Variants in CCDC15 observed in about 807,000 individuals in gnomAD.
CCDC15 encodes coiled-coil domain-containing protein 15.
In CCDC15, 105 loss-of-function variants were observed where a neutral mutation model predicts 114.5. The ratio of observed to expected loss-of-function variants is 0.92; its 90% CI spans 0.78 to 1.08. The LOEUF (loss-of-function observed/expected upper bound fraction) is 1.08. Among genes scored for constraint, CCDC15 ranks in the 50% least tolerant of loss-of-function variants. The pLI, the probability that CCDC15 is intolerant of heterozygous loss-of-function variation, is 0.00. For synonymous variants in CCDC15, 334 were observed against 377.8 expected (o/e 0.88, Z 1.34); for missense variants, 1,105 against 1,093.6 (o/e 1.01, Z -0.15).
At chr11:124,980,366 T>C (rs1014401800) in intron 6 of CCDC15, among the ~76,000 whole-genome samples, 6 of 152,200 alleles carry the variant, frequency 3.9e-5, no homozygotes, top group African/African-American at 9.6e-5. Flanking sequence ...CTTTATAACA[T>C]CTGGTAGAAT....
chr11:124,984,438 C>T (rs1478808920), intron 6 of CCDC15, among the ~76,000 whole-genome samples: 1 of 152,128 alleles, frequency 6.6e-6, no homozygotes, highest in African/African-American at 2.4e-5. Flanking sequence ...AAAACTGGCC[C>T]TGTCTCACGG....
At chr11:125,000,055 G>T (rs1269425362) in intron 11 of CCDC15, among the ~76,000 whole-genome samples, 3 of 151,396 alleles carry the variant, frequency 2.0e-5, no homozygotes, top group Non-Finnish European at 4.4e-5. Context: ...TGGAAACGGG[G>T]TTTCACCATG....
In CCDC15 at chr11:124,987,666, A is replaced by T. The variant is rs941029771; in HGVS notation, c.1440A>T (p.Leu480Phe). Residue 480 changes from leucine to phenylalanine, a missense_variant, in exon 8 of 16, where the codon TTA becomes TTT. Leu to Phe is a conservative substitution (Grantham distance 22, BLOSUM62 0). Coordinates refer to ENST00000344762, the MANE Select transcript of CCDC15 (RefSeq NM_025004.3). Reference protein sequence around the residue: ...QNFLPKDQNFLSRDQHVLPKD... With the variant: ...QNFLPKDQNFFSRDQHVLPKD... ...TTCTACCTAAGGACCAGAATTTTTT[A>T]TCTAGAGACCAGCATGTTCTCCCCA... 6.2e-7 allele frequency: 1 copy of T among 1,612,448 alleles called. No homozygotes were observed. The highest frequency in any genetic ancestry group is 8.5e-7 in the Non-Finnish European group (1 of 1,179,364).
rs1413468019 is a variant in CCDC15 at position 124,987,987 on chromosome 11, C to G, written c.1761C>G (p.Pro587=). The G allele has an allele frequency of 6.2e-7, 1 of 1,613,684 alleles. No individual in the cohort carries two copies. The change falls in exon 8 of 16, where the codon CCC becomes CCG. Residue 587 remains proline, a synonymous_variant. Coordinates refer to ENST00000344762, the MANE Select transcript of CCDC15 (RefSeq NM_025004.3). ...TATGTCAGGACCAGGATTTTCTACC[C>G]AGAGACCAAGGTTATCTTCCTAAAG... ...LPICQDQDFL[P]RDQGYLPKDQ...
At chr11:125,002,346 G>T (rs902949329) in intron 11 of CCDC15, among the ~76,000 whole-genome samples, 1 of 151,970 alleles carries the variant, frequency 6.6e-6, no homozygotes, top group African/African-American at 2.4e-5. Context: ...CTGTTCTGTG[G>T]GTTGCCTTTC....
rs140319101 is a variant in CCDC15 at position 124,984,246 on chromosome 11, G to A, written c.754-2496G>A. ...AAAGTGGCATGAGGGAGGACGCAGT[G>A]GGGGAAGGGCATAGGCAGGCTCATG... On this transcript the variant is annotated intron_variant, in intron 6 of 15. Transcript: ENST00000344762. 1.4e-4 allele frequency among the ~76,000 whole-genome samples: 22 copies of A among 152,252 alleles called. No individual in the cohort carries two copies. In the East Asian group the frequency reaches 3.9e-3, roughly 27 times the overall value.
At chr11:125,000,588 T>A (rs187648098) in intron 11 of CCDC15, among the ~76,000 whole-genome samples, 45 of 152,308 alleles carry the variant, frequency 3.0e-4, no homozygotes, top group Non-Finnish European at 5.4e-4. Context: ...TTTTCTTTAT[T>A]GAAAACAGAA....
intron 11 of CCDC15, among the ~76,000 whole-genome samples, chr11:125,002,954 G>A (rs1451735677): frequency 2.0e-5 from 3 of 151,952 alleles, no homozygotes; most frequent in Admixed American, 6.6e-5. Context: ...TTTTGATGGA[G>A]GATTATTAAA....
At chr11:125,026,244 C>T (rs941569224) in intron 13 of CCDC15, among the ~76,000 whole-genome samples, 2 of 152,196 alleles carry the variant, frequency 1.3e-5, no homozygotes, top group African/African-American at 4.8e-5. Context: ...GAAGTTCCAA[C>T]CACCTGGATG....
chr11:124,964,203 A>T (rs1422484071), intron 4 of CCDC15, among the ~76,000 whole-genome samples: 1 of 152,096 alleles, frequency 6.6e-6, no homozygotes, highest in Non-Finnish European at 1.5e-5. Context: ...CTTGATGGGG[A>T]TAGCACTGAA....
At chr11:124,963,525 G>A (rs1947711961) in intron 4 of CCDC15, among the ~76,000 whole-genome samples, 1 of 152,144 alleles carries the variant, frequency 6.6e-6, no homozygotes, top group Non-Finnish European at 1.5e-5. Flanking sequence ...TAAGTTCTTT[G>A]TAGATTCTGG....
intron 4 of CCDC15, among the ~76,000 whole-genome samples, chr11:124,973,382 C>G (rs958934759): frequency 1.3e-5 from 2 of 151,266 alleles, no homozygotes; most frequent in South Asian, 4.2e-4. Context: ...TTCAACTACA[C>G]ATATCTCTTT....
intron 13 of CCDC15, among the ~76,000 whole-genome samples, chr11:125,009,536 AG>A (rs1473208814): frequency 5.3e-5 from 8 of 152,174 alleles, no homozygotes; most frequent in Non-Finnish European, 1.2e-4. Flanking sequence ...CAGGGGGTAC[AG>A]GTGCAAGTTT....
intron 13 of CCDC15, among the ~76,000 whole-genome samples, chr11:125,033,637 C>G (rs1948756353): frequency 6.6e-6 from 1 of 152,156 alleles, no homozygotes; most frequent in Non-Finnish European, 1.5e-5. Flanking sequence ...CCATTCCAAT[C>G]TCTCTATACC....
At chr11:124,996,246 C>A (rs550127215) in intron 11 of CCDC15, among the ~76,000 whole-genome samples, 25 of 152,244 alleles carry the variant, frequency 1.6e-4, no homozygotes, top group Admixed American at 6.5e-4. Context: ...AGTGCCCTAC[C>A]CTGACTATTC....
chr11:125,003,317 G>A (rs1282854509), intron 11 of CCDC15, among the ~76,000 whole-genome samples: 1 of 151,918 alleles, frequency 6.6e-6, no homozygotes, highest in Non-Finnish European at 1.5e-5. Flanking sequence ...ATTTCTAAAA[G>A]TTGGAGATCA....
At position 124,967,952 on chromosome 11, in the gene CCDC15, A is replaced by T. The variant is rs1188714306; in HGVS notation, c.517-7144A>T. 2.0e-5 allele frequency among the ~76,000 whole-genome samples: 3 copies of T among 152,256 alleles called. No individual in the cohort carries two copies. In the South Asian group the frequency reaches 6.3e-4, roughly 32 times the overall value. On this transcript the variant is annotated intron_variant, in intron 4 of 15. Transcript: ENST00000344762. ...CACTCCAGATCCTGTTTGCCTGGGTATCACCAGTGGAGGCTGCAGAACAGC... is the reference window on the plus strand; with the variant it reads ...CACTCCAGATCCTGTTTGCCTGGGTTTCACCAGTGGAGGCTGCAGAACAGC...
At position 125,039,012 on chromosome 11, in the gene CCDC15, T is replaced by G; in HGVS notation, c.2677T>G (p.Trp893Gly). Residue 893 changes from tryptophan (W) to glycine (G), a missense_variant, in exon 15 of 16, where the codon TGG (tryptophan) becomes GGG (glycine). By Grantham distance (184) the Trp-to-Gly change is radical. Coordinates refer to ENST00000344762, the MANE Select transcript of CCDC15 (RefSeq NM_025004.3). ...PPLCCCGPDF[W>G]DAHPDTCANN... ...ACTATGCTGTTGTGGTCCTGATTTT[T>G]GGGATGCTCATCCTGATACCTGTGC... 2 of 1,611,490 alleles carry G rather than the reference T, an allele frequency of 1.2e-6. No homozygotes were observed. The highest frequency in any genetic ancestry group is 1.7e-6 in the Non-Finnish European group (2 of 1,178,298).
chr11:125,003,513 A>G (rs1948510998), intron 11 of CCDC15, among the ~76,000 whole-genome samples: 1 of 152,008 alleles, frequency 6.6e-6, no homozygotes, highest in Non-Finnish European at 1.5e-5. Context: ...TAGAATTGAA[A>G]TATTAAGGAA....
Sources: gnomAD v4.1 joint callset for allele counts (sites outside exome capture counted in the v4.1 genomes callset) on GRCh38, gnomAD v4.1.1 for gene constraint, MANE v1.5 for transcripts, NCBI Gene and HGNC (gene_info 2026-07-23, HGNC 2026-07-21) for gene names.